KIF7: variants seen among roughly 807,000 people sequenced by gnomAD.
KIF7 encodes kinesin family member 7, also known as kinesin-like protein KIF7.
KIF7 carries 104 observed loss-of-function variants against 135.7 expected under a neutral mutation model. The ratio of observed to expected loss-of-function variants is 0.77; its 90% CI spans 0.65 to 0.90. KIF7 has a LOEUF of 0.90. Among genes scored for constraint, KIF7 ranks in the 40% least tolerant of loss-of-function variants. KIF7 has a pLI of 0.00. For missense variants in KIF7, 2,005 were observed against 1,839.1 expected, an observed-to-expected ratio of 1.09 and a Z score of -1.65; for synonymous variants, 883 against 809.4, an observed-to-expected ratio of 1.09 and a Z score of -1.54.
chr15:89,625,650 G>A, downstream of KIF7: 1 of 1,613,708 alleles, frequency 6.2e-7, no homozygotes, highest in South Asian at 1.1e-5. Context: ...TGTTGGCCAA[G>A]GAAGAAGCTG....
chr15:89,628,874 C>T, intron 18 of KIF7, 88 bp from the exon 19 acceptor site: 1 of 1,611,214 alleles, frequency 6.2e-7, no homozygotes, highest in South Asian at 1.1e-5. Context: ...GCACAATAAG[C>T]AACCTGTGAA....
Position 89,628,343 on chromosome 15 carries a change from C to T in KIF7, c.*76G>A. ...AGGGTGTGCGGTAAGGACTGCCCTT[C>T]ACAGAAGCAAAACAGGCAGCTGCCC... On this transcript the variant is annotated 3_prime_UTR_variant, in exon 19 of 19. Transcript: ENST00000394412. 1 of 1,529,580 alleles carries T rather than the reference C, an allele frequency of 6.5e-7. No individual in the cohort carries two copies. The highest frequency in any genetic ancestry group is 8.8e-7 in the Non-Finnish European group (1 of 1,139,308). 94.8% of individuals were successfully genotyped at this position (1,529,580 alleles called of 1,614,324 possible).
At chr15:89,630,677 A>G (rs909243508) in intron 15 of KIF7, 184 bp from the exon 16 acceptor site, 1 of 655,428 alleles carries the variant, frequency 1.5e-6, no homozygotes, top group Non-Finnish European at 2.8e-6. Context: ...CCCCAGGGTG[A>G]GCTGGGGGCA....
chr15:89,633,615 C>A (rs1164185766), intron 12 of KIF7, 71 bp downstream of exon 12: 3 of 1,535,434 alleles, frequency 2.0e-6, no homozygotes, highest in African/African-American at 1.4e-5. Context: ...CCTGCCTGGG[C>A]TCCCCTGGCT....
intron 17 of KIF7, 65 bp downstream of exon 17, chr15:89,629,310 G>C: frequency 8.8e-7 from 1 of 1,133,366 alleles, no homozygotes; most frequent in Non-Finnish European, 1.2e-6. Flanking sequence ...GGTGCAGGGC[G>C]GGGAAGATGG....
At chr15:89,625,068 T>C (rs759619801), downstream of KIF7, 4 of 1,613,982 alleles carry the variant, frequency 2.5e-6, no homozygotes, top group Non-Finnish European at 3.4e-6. Context: ...CATTAGAGGC[T>C]GAGCCCCTCA....
At chr15:89,646,157 G>A (rs1346013408) in intron 7 of KIF7, 131 bp from the exon 8 acceptor site, 1 of 1,171,874 alleles carries the variant, frequency 8.5e-7, no homozygotes, top group African/African-American at 1.5e-5. Context: ...TGACCCCTCT[G>A]GCAGCCTTCT....
At chr15:89,654,354 A>C (rs1964174930) in intron 1 of KIF7, among the ~76,000 whole-genome samples, 1 of 151,244 alleles carries the variant, frequency 6.6e-6, no homozygotes, top group Admixed American at 6.6e-5. Context: ...ACAAGCCTTA[A>C]ATCAGGCCCT....
rs762038154 is a variant in KIF7, at chr15:89,630,327, G to A, written c.3278C>T (p.Ser1093Phe). 12 of 1,614,078 alleles carry A rather than the reference G, an allele frequency of 7.4e-6. No homozygotes were observed. The Admixed American group carries it at 1.0e-4, about 13-fold the overall frequency. ...NLMAKLSYLS[S>F]SETRALLCKY... Reference sequence around the variant, plus strand: ...GCAGAGGAGGGCTCTGGTCTCTGAGGATGAGAGGTAGCTGAGCTTGGCCAT... The same window carrying A: ...GCAGAGGAGGGCTCTGGTCTCTGAGAATGAGAGGTAGCTGAGCTTGGCCAT... Residue 1093 changes from serine (S) to phenylalanine (F), a missense_variant, in exon 16 of 19, where the codon TCC becomes TTC. By Grantham distance (155) the Ser-to-Phe change is radical. Transcript: ENST00000394412.
intron 7 of KIF7, among the ~76,000 whole-genome samples, chr15:89,646,260 G>T (rs1263121440): frequency 6.6e-6 from 1 of 151,978 alleles, no homozygotes; most frequent in African/African-American, 2.4e-5. Flanking sequence ...GTGACAATCT[G>T]CCCTTTCTAC....
chr15:89,624,804 G>T (rs778784044), downstream of KIF7: 3 of 1,614,208 alleles, frequency 1.9e-6, no homozygotes, highest in Non-Finnish European at 2.5e-6. Flanking sequence ...ATGCTGAGAA[G>T]TCTTCTCTGT....
In KIF7 at chr15:89,633,206, C is replaced by A; in HGVS notation, c.2653G>T (p.Ala885Ser). ...KILKIKTEEI[A>S]AFQRKRRSGS... ...CTGCGCCTCTTCCTCTGGAATGCCG[C>A]GATCTCTTCCGTCTTAATCTTCAGG... Residue 885 changes from alanine to serine, a missense_variant, in exon 13 of 19, where the codon GCG becomes TCG. Transcript: ENST00000394412. 1 of 1,599,332 alleles carries A rather than the reference C, an allele frequency of 6.3e-7. No homozygotes were observed.
rs983505734 is a variant in KIF7, at chr15:89,642,420, G to A, written c.2192-15C>T. On this transcript the variant is annotated splice_polypyrimidine_tract_variant and intron_variant, in intron 10 of 18. Transcript: ENST00000394412. ...AGCTGCCTTTCCTGGAAGAAAGCGG[G>A]AATGTCAGCACAGGCAGCCCTGCTC... 1.3e-6 allele frequency: 2 copies of A among 1,577,664 alleles called. No individual in the cohort carries two copies. Among genetic ancestry groups the A allele is most frequent in the Non-Finnish European group, 1.7e-6 (2 of 1,162,628 alleles).
downstream of KIF7, chr15:89,624,491 G>C: frequency 6.2e-7 from 1 of 1,614,106 alleles, no homozygotes; most frequent in Non-Finnish European, 8.5e-7. Flanking sequence ...CCCAGAAGGA[G>C]CATCGTGGAG....
chr15:89,624,425 C>T (rs1418632546), downstream of KIF7: 1 of 1,614,182 alleles, frequency 6.2e-7, no homozygotes, highest in Admixed American at 1.7e-5. Context: ...ACATTGGACA[C>T]CGTCCCTCCT....
chr15:89,618,274 T>G, intron 1 of KIF7: 1 of 1,456,646 alleles, frequency 6.9e-7, no homozygotes, highest in South Asian at 1.1e-5. Context: ...CCTTTCTGTA[T>G]GTATTGTTAC....
intron 1 of KIF7, among the ~76,000 whole-genome samples, chr15:89,619,446 A>G (rs1596057303): frequency 6.6e-6 from 1 of 151,964 alleles, no homozygotes; most frequent in Non-Finnish European, 1.5e-5. Context: ...GGCTGGCTAC[A>G]CCATTCTTAA....
At chr15:89,634,760 A>G (rs978172749) in intron 11 of KIF7, among the ~76,000 whole-genome samples, 7 of 152,208 alleles carry the variant, frequency 4.6e-5, no homozygotes, top group Non-Finnish European at 1.0e-4. Context: ...AGGGGTGCCC[A>G]CCATTGCCCA....
chr15:89,624,668 C>T (rs202229337), downstream of KIF7: 93 of 1,614,094 alleles, frequency 5.8e-5, no homozygotes, highest in African/African-American at 6.0e-4. Flanking sequence ...CATGCATCCT[C>T]TCCTCTGCTC....
Sources: gnomAD v4.1 joint callset for allele counts (sites outside exome capture counted in the v4.1 genomes callset) on GRCh38, gnomAD v4.1.1 for gene constraint, MANE v1.5 for transcripts, NCBI Gene and HGNC (gene_info 2026-07-23, HGNC 2026-07-21) for gene names.